NUP35: variants seen among roughly 807,000 people sequenced by gnomAD.
NUP35 encodes nucleoporin 35, also known as nucleoporin NUP35.
Under a neutral mutation model 41.5 loss-of-function variants are expected in NUP35, and 25 were observed. The ratio of observed to expected loss-of-function variants is 0.60; its 90% confidence interval spans 0.44 to 0.84. NUP35 has a LOEUF of 0.84. Among genes scored for constraint, NUP35 ranks in the 40% least tolerant of loss-of-function variants. The probability of loss-of-function intolerance (pLI) is 0.00; values close to 1 mark genes in which losing one functional copy is unlikely to be tolerated. For missense variants in NUP35, 396 were observed against 396.6 expected (o/e 1.00, Z 0.01); for synonymous variants, 149 against 130.7 (o/e 1.14, Z -0.96).
upstream of NUP35, among the ~76,000 whole-genome samples, chr2:183,122,659 A>AGT (rs1352595503): frequency 1.3e-5 from 2 of 152,054 alleles, no homozygotes; most frequent in East Asian, 3.9e-4. Context: ...TTTGTAGAGA[A>AGT]GTGGGGTCTC....
At chr2:183,138,269 A>ATATATATATATATATTTT in intron 4 of NUP35, among the ~76,000 whole-genome samples, 10 of 80,682 alleles carry the variant, frequency 1.2e-4, no homozygotes, top group African/African-American at 6.2e-4. Flanking sequence ...ATATATATAT[A>ATATATATATATATATTTT]TTTTTTTTTT....
Position 183,161,261 on chromosome 2 carries a change from T to TTG in NUP35, c.*131_*132insGT. The TTG allele has an allele frequency of 1.7e-6, 1 of 574,704 alleles. No individual in the cohort carries two copies. Among genetic ancestry groups the TTG allele is most frequent in the Non-Finnish European group, 3.1e-6 (1 of 324,546 alleles). The allele number at this position is 574,704 out of a possible 1,614,324, so 35.6% of individuals were successfully genotyped here. On this transcript the variant is annotated 3_prime_UTR_variant, in exon 9 of 9. Transcript: ENST00000295119. ...TCATACTTCTTTTAGAAAGAAGCCT[T>TTG]TTTCATTAAGGATACAACCTATTTG...
chr2:183,142,931 T>C (rs1685149257), intron 4 of NUP35, among the ~76,000 whole-genome samples: 1 of 151,590 alleles, frequency 6.6e-6, no homozygotes, highest in Non-Finnish European at 1.5e-5. Flanking sequence ...CCGAGGTGGG[T>C]GGGTCACGAG....
intron 5 of NUP35, among the ~76,000 whole-genome samples, chr2:183,156,165 A>G (rs1275252412): frequency 6.6e-6 from 1 of 152,122 alleles, no homozygotes; most frequent in Admixed American, 6.5e-5. Flanking sequence ...TTTCTTAAGT[A>G]CTTCCCTCAC....
At chr2:183,148,280 A>G (rs959143883) in intron 4 of NUP35, among the ~76,000 whole-genome samples, 12 of 152,140 alleles carry the variant, frequency 7.9e-5, no homozygotes, top group Admixed American at 2.6e-4. Flanking sequence ...GAGTCCAGCT[A>G]TCTTTTTGTT....
intron 4 of NUP35, among the ~76,000 whole-genome samples, chr2:183,135,296 G>A (rs956305552): frequency 6.6e-6 from 1 of 152,184 alleles, no homozygotes; most frequent in Non-Finnish European, 1.5e-5. Context: ...TTACTCAAAA[G>A]TCTGTAAGTG....
chr2:183,154,421 C>A (rs1429644341), intron 5 of NUP35, among the ~76,000 whole-genome samples: 1 of 152,194 alleles, frequency 6.6e-6, no homozygotes, highest in Admixed American at 6.5e-5. Flanking sequence ...GCACTCAAGT[C>A]ACCTTTTGAA....
At chr2:183,154,222 A>G (rs1304243806) in intron 5 of NUP35, among the ~76,000 whole-genome samples, 1 of 152,182 alleles carries the variant, frequency 6.6e-6, no homozygotes. Flanking sequence ...GGGCTCTGAC[A>G]TGCCCTAGAG....
intron 4 of NUP35, among the ~76,000 whole-genome samples, chr2:183,149,796 C>G (rs1233068205): frequency 6.6e-6 from 1 of 152,200 alleles, no homozygotes; most frequent in East Asian, 1.9e-4. Context: ...TAATATTATC[C>G]TGTTTCCTAA....
intron 4 of NUP35, among the ~76,000 whole-genome samples, chr2:183,151,180 G>A (rs1208111617): frequency 6.6e-6 from 1 of 152,170 alleles, no homozygotes; most frequent in African/African-American, 2.4e-5. Flanking sequence ...TGATGAAAGT[G>A]GTAGGTTTGG....
chr2:183,125,929 A>C (rs1684454141), intron 1 of NUP35, among the ~76,000 whole-genome samples: 1 of 152,168 alleles, frequency 6.6e-6, no homozygotes, highest in South Asian at 2.1e-4. Flanking sequence ...GTTTGCTTTA[A>C]GTGAAATTTA....
chr2:183,149,487 A>T (rs1685390562), intron 4 of NUP35, among the ~76,000 whole-genome samples: 1 of 152,218 alleles, frequency 6.6e-6, no homozygotes, highest in Non-Finnish European at 1.5e-5. Context: ...GTGAATTCTC[A>T]TGAATCTGCT....
intron 3 of NUP35, among the ~76,000 whole-genome samples, chr2:183,131,785 T>G (rs1684703842): frequency 6.6e-6 from 1 of 152,246 alleles, no homozygotes; most frequent in South Asian, 2.1e-4. Context: ...GGCTAAATAT[T>G]ACTAAATTTC....
intron 3 of NUP35, among the ~76,000 whole-genome samples, chr2:183,131,880 T>C (rs577399612): frequency 3.3e-5 from 5 of 152,312 alleles, no homozygotes; most frequent in African/African-American, 1.2e-4. Flanking sequence ...ATAGATATCC[T>C]GGTCTGGGAT....
At chr2:183,138,269 A>ATATATATATATATATATATATATATATTT in intron 4 of NUP35, among the ~76,000 whole-genome samples, 1 of 80,686 alleles carries the variant, frequency 1.2e-5, no homozygotes, top group African/African-American at 6.2e-5. Context: ...ATATATATAT[A>ATATATATATATATATATATATATATATTT]TTTTTTTTTT....
At chr2:183,138,374 A>G (rs560422055) in intron 4 of NUP35, among the ~76,000 whole-genome samples, 2 of 150,450 alleles carry the variant, frequency 1.3e-5, no homozygotes, top group East Asian at 2.0e-4. Flanking sequence ...AAGAGATGTC[A>G]TGGGATATAA....
chr2:183,149,868 G>A (rs959913672), intron 4 of NUP35, among the ~76,000 whole-genome samples: 3 of 152,000 alleles, frequency 2.0e-5, no homozygotes, highest in South Asian at 2.1e-4. Flanking sequence ...AATTACACTC[G>A]TAAAGTGTAA....
At chr2:183,129,282 GTT>G (rs1684613770) in intron 2 of NUP35, among the ~76,000 whole-genome samples, 1 of 151,956 alleles carries the variant, frequency 6.6e-6, no homozygotes, top group Non-Finnish European at 1.5e-5. Context: ...TGCAGCCTGT[GTT>G]TATTACAGAA....
At chr2:183,121,956 G>A (rs1440551106), upstream of NUP35, among the ~76,000 whole-genome samples, 2 of 81,436 alleles carry the variant, frequency 2.5e-5, no homozygotes, top group East Asian at 1.5e-3. Context: ...TAGGGTACAT[G>A]TGCACAACGT....
Sources: gnomAD v4.1 joint callset for allele counts (sites outside exome capture counted in the v4.1 genomes callset) on GRCh38, gnomAD v4.1.1 for gene constraint, MANE v1.5 for transcripts, NCBI Gene and HGNC (gene_info 2026-07-23, HGNC 2026-07-21) for gene names.